The following NCEH1 variants were observed in gnomAD, a reference collection of about 807,000 sequenced individuals.
The protein encoded by NCEH1 is 2-acetyl MAGE hydrolase.
NCEH1 carries 9 observed loss-of-function variants against 25.4 expected under a neutral mutation model. That is an observed-to-expected ratio of 0.35 (90% confidence interval 0.21 to 0.62). The LOEUF is 0.62. Among genes scored for constraint, NCEH1 ranks in the 20% least tolerant of loss-of-function variants. NCEH1 has a pLI of 0.72. For missense variants in NCEH1, 412 were observed against 501.1 expected (o/e 0.82, Z 1.70); for synonymous variants, 200 against 199.8 (o/e 1.00, Z -0.01).
intron 1 of NCEH1, among the ~76,000 whole-genome samples, chr3:172,699,816 C>T (rs1338496027): frequency 6.6e-6 from 1 of 152,044 alleles, no homozygotes; most frequent in East Asian, 1.9e-4. Context: ...CAGTGAACCA[C>T]GATCATACCA....
intron 1 of NCEH1, among the ~76,000 whole-genome samples, chr3:172,679,511 G>C (rs147997670): frequency 6.6e-6 from 1 of 151,520 alleles, no homozygotes; most frequent in Non-Finnish European, 1.5e-5. Context: ...CACACCCATC[G>C]TTTAGCTCCC....
chr3:172,665,017 G>T (rs1375917607), intron 1 of NCEH1, among the ~76,000 whole-genome samples: 2 of 152,158 alleles, frequency 1.3e-5, no homozygotes, highest in Non-Finnish European at 2.9e-5. Flanking sequence ...GAGGCGCTGT[G>T]ATCCTTTGGT....
intron 1 of NCEH1, among the ~76,000 whole-genome samples, chr3:172,710,599 G>T (rs1560214734): frequency 6.6e-6 from 1 of 152,214 alleles, no homozygotes; most frequent in Non-Finnish European, 1.5e-5. Context: ...TTAAACAGTT[G>T]TCAAATTCTA....
chr3:172,678,584 G>T (rs1712149604), intron 1 of NCEH1, among the ~76,000 whole-genome samples: 2 of 152,152 alleles, frequency 1.3e-5, no homozygotes, highest in South Asian at 4.1e-4. Context: ...CAACAATTGA[G>T]ATCTTCCATA....
At chr3:172,667,872 C>G (rs1392415884) in intron 1 of NCEH1, among the ~76,000 whole-genome samples, 2 of 152,182 alleles carry the variant, frequency 1.3e-5, no homozygotes, top group African/African-American at 4.8e-5. Flanking sequence ...TAAGATCAAC[C>G]CAGCTCTTTT....
chr3:172,659,521 C>T (rs1484624558), intron 1 of NCEH1, among the ~76,000 whole-genome samples: 2 of 152,148 alleles, frequency 1.3e-5, no homozygotes, highest in African/African-American at 4.8e-5. Flanking sequence ...TTTATAGCAC[C>T]CTCCTTGGTG....
intron 1 of NCEH1, among the ~76,000 whole-genome samples, chr3:172,648,903 T>TGA (rs1421486772): frequency 2.6e-5 from 4 of 152,190 alleles, no homozygotes; most frequent in Non-Finnish European, 4.4e-5. Flanking sequence ...AAGACACTTC[T>TGA]GAGTTTATAT....
intron 1 of NCEH1, among the ~76,000 whole-genome samples, chr3:172,653,762 T>TTGTTTG (rs1208411852): frequency 1.1e-4 from 8 of 72,112 alleles, no homozygotes; most frequent in Non-Finnish European, 1.4e-4. Context: ...GTTTTTTTGT[T>TTGTTTG]TTTTTTTTTT....
At chr3:172,689,221 A>C (rs149943919) in intron 1 of NCEH1, among the ~76,000 whole-genome samples, 204 of 149,618 alleles carry the variant, frequency 1.4e-3, no homozygotes, top group African/African-American at 4.9e-3. Flanking sequence ...ACCGATATTC[A>C]CATGTACCTC....
chr3:172,634,235 TA>T (rs1560176685), intron 4 of NCEH1, 143 bp from the exon 5 acceptor site: 2 of 783,224 alleles, frequency 2.6e-6, no homozygotes, highest in Non-Finnish European at 2.0e-6. Context: ...GTATAAATAA[TA>T]AAGTTTAAAA....
intron 1 of NCEH1, among the ~76,000 whole-genome samples, chr3:172,649,127 G>C (rs1717271385): frequency 2.0e-5 from 3 of 152,132 alleles, no homozygotes; most frequent in African/African-American, 4.8e-5. Flanking sequence ...ACCTTGAAGA[G>C]GGTCCGTGTG....
chr3:172,634,517 C>A (rs961272043), intron 4 of NCEH1, among the ~76,000 whole-genome samples: 5 of 152,108 alleles, frequency 3.3e-5, no homozygotes, highest in Non-Finnish European at 7.4e-5. Flanking sequence ...ACTTAATAAG[C>A]AGATTATGAG....
At chr3:172,659,378 C>T (rs1254450301) in intron 1 of NCEH1, among the ~76,000 whole-genome samples, 1 of 152,210 alleles carries the variant, frequency 6.6e-6, no homozygotes, top group Non-Finnish European at 1.5e-5. Flanking sequence ...CTTTAATCAT[C>T]TGTGCACAGG....
intron 1 of NCEH1, among the ~76,000 whole-genome samples, chr3:172,682,981 TAAG>T (rs1712470584): frequency 6.6e-6 from 1 of 152,360 alleles, no homozygotes; most frequent in East Asian, 1.9e-4. Context: ...TGCCACCAGC[TAAG>T]AAGTAGAAAG....
chr3:172,703,521 C>T (rs1188569678), intron 1 of NCEH1, among the ~76,000 whole-genome samples: 1 of 103,634 alleles, frequency 9.6e-6, no homozygotes, highest in African/African-American at 4.6e-5. Flanking sequence ...GAGCAAGACT[C>T]TGTCTCAAAA....
chr3:172,653,763 T>TTTTG (rs1553830389), intron 1 of NCEH1, among the ~76,000 whole-genome samples: 6 of 97,864 alleles, frequency 6.1e-5, no homozygotes, highest in Admixed American at 2.3e-4. Context: ...TTTTTTTGTT[T>TTTTG]TTTTTTTTTT....
rs1011723359 is a variant in NCEH1 at position 172,632,539 on chromosome 3, T to C, written c.*936A>G. On this transcript the variant is annotated 3_prime_UTR_variant, in exon 5 of 5. Transcript: ENST00000475381. ...TAGACTAGACCTTCTAAAGGTATTT[T>C]TAACAATTTTGAACTAATATTAAAT... 5 of 152,574 alleles carry C rather than the reference T, an allele frequency of 3.3e-5. No individual in the cohort carries two copies. Among genetic ancestry groups the C allele is most frequent in the African/African-American group, 1.2e-4 (5 of 41,450 alleles). 9.5% of individuals were successfully genotyped at this position (152,574 alleles called of 1,614,324 possible). A position where few individuals can be genotyped will look rare whatever the true frequency, so the allele number is the denominator to read the frequency against.
intron 2 of NCEH1, among the ~76,000 whole-genome samples, chr3:172,647,124 C>T (rs1239734831): frequency 6.6e-6 from 1 of 151,712 alleles, no homozygotes; most frequent in African/African-American, 2.4e-5. Flanking sequence ...AAAAAAAAAT[C>T]ACATAATGAT....
chr3:172,705,618 A>G (rs1207532918), intron 1 of NCEH1, among the ~76,000 whole-genome samples: 2 of 152,326 alleles, frequency 1.3e-5, no homozygotes, highest in Admixed American at 1.3e-4. Flanking sequence ...GCCTCCTGCC[A>G]ATGCCCCTTT....
Sources: allele counts gnomAD v4.1 joint callset (sites outside exome capture counted in the v4.1 genomes callset), GRCh38; gene constraint gnomAD v4.1.1; transcripts MANE v1.5; gene names NCBI Gene and HGNC (gene_info 2026-07-23, HGNC 2026-07-21).